Variants in PCBP2 observed in about 807,000 individuals in gnomAD.
PCBP2 encodes poly(rC) binding protein 2.
In PCBP2, 4 loss-of-function variants were observed where a neutral mutation model predicts 50.1. The observed-to-expected ratio is 0.08, with a 90% confidence interval of 0.04 to 0.18. The LOEUF (loss-of-function observed/expected upper bound fraction) is 0.18. PCBP2 is among the 10% of genes least tolerant of loss of function. The pLI is 1.00. For missense variants in PCBP2, 161 were observed against 474.3 expected (o/e 0.34, Z 6.14); for synonymous variants, 179 against 168.0 (o/e 1.07, Z -0.51).
chr12:53,477,255 G>A (rs892518132), intron 14 of PCBP2, among the ~76,000 whole-genome samples: 1 of 152,090 alleles, frequency 6.6e-6, no homozygotes, highest in Non-Finnish European at 1.5e-5. Flanking sequence ...ATGGTATCTA[G>A]CAGTTCCTTT....
intron 7 of PCBP2, 96 bp from the exon 8 acceptor site, chr12:53,462,397 T>C: frequency 1.1e-6 from 1 of 924,748 alleles, no homozygotes; most frequent in Non-Finnish European, 1.7e-6. Context: ...GAAATAGTTT[T>C]TAATTTAACT....
At position 53,481,089 on chromosome 12, in the gene PCBP2, TTCTG is replaced by T; in HGVS notation, c.*1649_*1652del. 1.9e-6 allele frequency: 1 copy of T among 521,472 alleles called. No homozygotes were observed. Among genetic ancestry groups the T allele is most frequent in the South Asian group, 8.8e-5 (1 of 11,340 alleles). 32.3% of individuals were successfully genotyped at this position (521,472 alleles called of 1,614,324 possible). Reference sequence around the variant, plus strand: ...ACTTACGGCTGGGACAGCCCCATCTTTCTGTTGATTATGTGGCGCATATATATAT... The same window carrying T: ...ACTTACGGCTGGGACAGCCCCATCTTTTGATTATGTGGCGCATATATATAT... On this transcript the variant is annotated 3_prime_UTR_variant, in exon 15 of 15. Coordinates refer to ENST00000546463, the MANE Select transcript of PCBP2 (RefSeq NM_031989.5).
At chr12:53,459,630 A>G (rs1413618000) in intron 6 of PCBP2, among the ~76,000 whole-genome samples, 2 of 152,228 alleles carry the variant, frequency 1.3e-5, no homozygotes, top group Non-Finnish European at 2.9e-5. Flanking sequence ...AGAATTTTCA[A>G]CTATTACATA....
intron 5 of PCBP2, among the ~76,000 whole-genome samples, chr12:53,457,346 C>G (rs772500998): frequency 9.9e-5 from 15 of 151,406 alleles, no homozygotes; most frequent in Non-Finnish European, 1.6e-4. Context: ...GCCACCATGC[C>G]CAGCCTGGAA....
At chr12:53,457,731 C>T (rs1317396689) in intron 5 of PCBP2, among the ~76,000 whole-genome samples, 1 of 152,102 alleles carries the variant, frequency 6.6e-6, no homozygotes, top group Non-Finnish European at 1.5e-5. Context: ...ATGTCCTTGT[C>T]TTTAGGGGTC....
At chr12:53,474,785 C>G (rs1235804959) in intron 14 of PCBP2, 3 of 347,690 alleles carry the variant, frequency 8.6e-6, no homozygotes, top group Non-Finnish European at 1.7e-5. Flanking sequence ...ATAACTGAAG[C>G]AGTTTTTGTC....
At chr12:53,471,544 CCA>C in intron 13 of PCBP2, 92 bp from the exon 14 acceptor site, 5 of 1,229,866 alleles carry the variant, frequency 4.1e-6, no homozygotes, top group Non-Finnish European at 5.4e-6. Flanking sequence ...TCCAGCCTGG[CCA>C]CAGTCGTAGG....
intron 10 of PCBP2, 63 bp downstream of exon 10, chr12:53,466,036 CCT>C: frequency 2.1e-6 from 3 of 1,400,652 alleles, no homozygotes; most frequent in South Asian, 2.3e-5. Context: ...TTGTCTCACT[CCT>C]CTCTCCCAAG....
chr12:53,469,155 G>C (rs927365121), intron 13 of PCBP2, among the ~76,000 whole-genome samples: 2 of 151,936 alleles, frequency 1.3e-5, no homozygotes, highest in African/African-American at 4.8e-5. Context: ...ACTCACCTTG[G>C]CCTCCCAAAG....
At chr12:53,461,737 G>T (rs1395427728) in intron 7 of PCBP2, among the ~76,000 whole-genome samples, 2 of 152,024 alleles carry the variant, frequency 1.3e-5, no homozygotes, top group Non-Finnish European at 2.9e-5. Context: ...TGTGTGACGG[G>T]TTCACTTTGT....
At chr12:53,466,636 GGA>G (rs1941844955) in intron 10 of PCBP2, among the ~76,000 whole-genome samples, 1 of 152,182 alleles carries the variant, frequency 6.6e-6, no homozygotes, top group African/African-American at 2.4e-5. Context: ...GTAGGCCCCA[GGA>G]GAGAGGGAAG....
At chr12:53,476,487 G>T (rs1178660334) in intron 14 of PCBP2, among the ~76,000 whole-genome samples, 1 of 152,132 alleles carries the variant, frequency 6.6e-6, no homozygotes, top group African/African-American at 2.4e-5. Context: ...TAAAACAGTA[G>T]AAATGTTCTT....
chr12:53,479,637 G>A lies in PCBP2; in HGVS notation c.*195G>A, dbSNP rs1373779565. On this transcript the variant is annotated 3_prime_UTR_variant, in exon 15 of 15. Coordinates refer to ENST00000546463, the MANE Select transcript of PCBP2 (RefSeq NM_031989.5). ...CTTTCTCTGTTCAGCTGTTGATGCT[G>A]AGATCCATATTTAGTTTTATAAGCT... is the stretch of plus-strand genomic sequence containing the variant. 7 of 178,754 alleles carry A rather than the reference G, an allele frequency of 3.9e-5. No individual in the cohort carries two copies. Among genetic ancestry groups the A allele is most frequent in the Non-Finnish European group, 5.9e-5 (6 of 101,586 alleles). 11.1% of individuals were successfully genotyped at this position (178,754 alleles called of 1,614,324 possible).
chr12:53,473,446 A>G (rs1942368661), intron 14 of PCBP2, among the ~76,000 whole-genome samples: 1 of 152,238 alleles, frequency 6.6e-6, no homozygotes, highest in East Asian at 1.9e-4. Context: ...AGTGGCAAGA[A>G]TCAGGTTTTT....
At chr12:53,455,104 T>A (rs1272164051) in intron 2 of PCBP2, among the ~76,000 whole-genome samples, 2 of 152,166 alleles carry the variant, frequency 1.3e-5, no homozygotes, top group Admixed American at 1.3e-4. Flanking sequence ...CATACCTGGA[T>A]GGTAAGGTTT....
At chr12:53,459,130 G>C in intron 5 of PCBP2, 142 bp from the exon 6 acceptor site, 1 of 540,590 alleles carries the variant, frequency 1.8e-6, no homozygotes, top group Admixed American at 3.0e-5. Context: ...GAGGGGCATG[G>C]TATTTGAACC....
rs1231900750 is a variant in PCBP2, at chr12:53,480,777, T to G, written c.*1335T>G. The G allele has an allele frequency of 6.6e-6, 1 of 152,594 alleles. No homozygotes were observed. Among genetic ancestry groups the G allele is most frequent in the African/African-American group, 2.4e-5 (1 of 41,428 alleles). The allele number at this position is 152,594 out of a possible 1,614,324, so 9.5% of individuals were successfully genotyped here. A position where few individuals can be genotyped will look rare whatever the true frequency, so the allele number is the denominator to read the frequency against. On this transcript the variant is annotated 3_prime_UTR_variant, in exon 15 of 15. Transcript: ENST00000546463. The stretch of plus-strand genomic sequence containing the variant: ...CCTCCCTCCTCCCAAGTGCAAAATG[T>G]GTAAACAGAGTAAACGGAACAGAAA...
intron 14 of PCBP2, chr12:53,474,860 C>A: frequency 2.5e-6 from 1 of 392,600 alleles, no homozygotes; most frequent in Admixed American, 3.0e-5. Context: ...CTTTTTTCCT[C>A]TGTTACAGTT....
chr12:53,471,993 C>A (rs1592678417), intron 14 of PCBP2, among the ~76,000 whole-genome samples, 186 bp downstream of exon 14: 1 of 96,188 alleles, frequency 1.0e-5, no homozygotes, highest in Non-Finnish European at 2.3e-5. Context: ...AGTAAGTTTT[C>A]AAGGGGTTGG....
Sources: allele counts gnomAD v4.1 joint callset (sites outside exome capture counted in the v4.1 genomes callset), GRCh38; gene constraint gnomAD v4.1.1; transcripts MANE v1.5; gene names NCBI Gene and HGNC (gene_info 2026-07-23, HGNC 2026-07-21).